Variants in PLCB1 observed in about 807,000 individuals in gnomAD.
The protein encoded by PLCB1 is 1-phosphatidylinositol 4,5-bisphosphate phosphodiesterase beta-1.
Under a neutral mutation model 161.8 loss-of-function variants are expected in PLCB1, and 46 were observed. The ratio of observed to expected loss-of-function variants is 0.28; its 90% confidence interval spans 0.22 to 0.36. The LOEUF (loss-of-function observed/expected upper bound fraction) is 0.36, where lower values mean the gene tolerates loss of function less well. PLCB1 is among the 10% of genes least tolerant of loss of function. PLCB1 has a pLI of 1.00. For synonymous variants in PLCB1, 517 were observed against 503.7 expected (o/e 1.03, Z -0.35); for missense variants, 1,016 against 1,472.5 (o/e 0.69, Z 5.07).
chr20:8,269,385 T>A (rs1272142862), intron 2 of PLCB1, among the ~76,000 whole-genome samples: 1 of 152,162 alleles, frequency 6.6e-6, no homozygotes, highest in Non-Finnish European at 1.5e-5. Context: ...CTCTGTATTC[T>A]CATATGCAAA....
chr20:8,356,101 T>A (rs1986354529), intron 2 of PLCB1, among the ~76,000 whole-genome samples: 1 of 152,208 alleles, frequency 6.6e-6, no homozygotes, highest in Admixed American at 6.5e-5. Context: ...CAACTTTTAG[T>A]TATATATTTT....
chr20:8,420,747 C>T (rs1292603342), intron 3 of PLCB1, among the ~76,000 whole-genome samples: 2 of 152,114 alleles, frequency 1.3e-5, no homozygotes, highest in African/African-American at 2.4e-5. Context: ...AAGCTTCAGC[C>T]CTGCACATCA....
chr20:8,845,404 C>G (rs558025771), intron 31 of PLCB1, among the ~76,000 whole-genome samples: 108 of 152,206 alleles, frequency 7.1e-4, no homozygotes, highest in Non-Finnish European at 1.5e-3. Context: ...TCTGTATTTT[C>G]TTGCCTTAAA....
intron 3 of PLCB1, among the ~76,000 whole-genome samples, chr20:8,462,843 A>C (rs1398420972): frequency 8.1e-6 from 1 of 122,888 alleles, no homozygotes; most frequent in African/African-American, 3.0e-5. Flanking sequence ...TTTCCTGATC[A>C]CCACTCAGGC....
intron 3 of PLCB1, among the ~76,000 whole-genome samples, chr20:8,462,474 T>G (rs763853835): frequency 6.6e-5 from 10 of 152,192 alleles, no homozygotes; most frequent in Non-Finnish European, 1.3e-4. Flanking sequence ...CTTAAAGTAT[T>G]TATAGCTTGT....
chr20:8,488,800 A>C (rs1176653717), intron 3 of PLCB1, among the ~76,000 whole-genome samples: 1 of 152,230 alleles, frequency 6.6e-6, no homozygotes, highest in Non-Finnish European at 1.5e-5. Context: ...TTGTTTTGCT[A>C]TTAAACATAG....
intron 25 of PLCB1, among the ~76,000 whole-genome samples, chr20:8,764,110 T>A (rs969629473): frequency 6.6e-6 from 1 of 152,038 alleles, no homozygotes; most frequent in African/African-American, 2.4e-5. Flanking sequence ...GAGGTTGCAG[T>A]GAGCTGAGAT....
intron 2 of PLCB1, among the ~76,000 whole-genome samples, chr20:8,298,311 G>C (rs113884868): frequency 7.5e-6 from 1 of 133,530 alleles, no homozygotes; most frequent in Non-Finnish European, 1.6e-5. Context: ...AAAAAAAAAA[G>C]ATGCAAGAAC....
chr20:8,809,728 T>C (rs915582989), intron 31 of PLCB1, among the ~76,000 whole-genome samples: 2 of 152,194 alleles, frequency 1.3e-5, no homozygotes, highest in Admixed American at 6.5e-5. Context: ...TGAAATAAAT[T>C]ACCTTCTTTA....
chr20:8,423,582 T>C (rs758100209), intron 3 of PLCB1, among the ~76,000 whole-genome samples: 1 of 152,176 alleles, frequency 6.6e-6, no homozygotes, highest in Non-Finnish European at 1.5e-5. Flanking sequence ...TTGAATAAAA[T>C]TCGTATTTGT....
At chr20:8,499,323 A>C (rs1983306995) in intron 3 of PLCB1, among the ~76,000 whole-genome samples, 1 of 152,256 alleles carries the variant, frequency 6.6e-6, no homozygotes, top group South Asian at 2.1e-4. Flanking sequence ...TCCACGGAAC[A>C]ATGCCTTCTC....
intron 9 of PLCB1, among the ~76,000 whole-genome samples, chr20:8,684,294 T>C (rs1990304867): frequency 6.6e-6 from 1 of 151,820 alleles, no homozygotes; most frequent in South Asian, 2.1e-4. Context: ...TCTCGCTCTG[T>C]CGCCCAGGCT....
chr20:8,585,683 T>A (rs1986968551), intron 3 of PLCB1, among the ~76,000 whole-genome samples: 1 of 152,226 alleles, frequency 6.6e-6, no homozygotes, highest in Admixed American at 6.5e-5. Flanking sequence ...CAAGTTCAGC[T>A]AAGTCCCTCT....
intron 12 of PLCB1, among the ~76,000 whole-genome samples, chr20:8,713,890 G>C (rs1220566544): frequency 1.3e-5 from 2 of 152,080 alleles, no homozygotes; most frequent in Non-Finnish European, 2.9e-5. Context: ...CTGATTTGGG[G>C]ACTTCCTGAC....
intron 2 of PLCB1, among the ~76,000 whole-genome samples, chr20:8,155,320 A>G (rs549006501): frequency 6.6e-6 from 1 of 152,224 alleles, no homozygotes; most frequent in East Asian, 1.9e-4. Flanking sequence ...TGGTTCTACC[A>G]TTCATGCCAT....
chr20:8,380,606 G>A (rs1486653623), intron 3 of PLCB1, among the ~76,000 whole-genome samples: 17 of 151,944 alleles, frequency 1.1e-4, no homozygotes, highest in African/African-American at 2.7e-4. Flanking sequence ...ATTTGTTTGG[G>A]TCTTCTCTTA....
intron 31 of PLCB1, among the ~76,000 whole-genome samples, chr20:8,815,209 G>A (rs1985030083): frequency 6.6e-6 from 1 of 152,096 alleles, no homozygotes; most frequent in African/African-American, 2.4e-5. Context: ...AAAGGGGGAG[G>A]GAGGCATATT....
intron 3 of PLCB1, among the ~76,000 whole-genome samples, chr20:8,424,986 T>A (rs1470943810): frequency 6.6e-6 from 1 of 152,068 alleles, no homozygotes; most frequent in Non-Finnish European, 1.5e-5. Context: ...GCTCACCTCA[T>A]GTAACTGAAG....
At chr20:8,226,716 C>G (rs1245752175) in intron 2 of PLCB1, among the ~76,000 whole-genome samples, 1 of 148,756 alleles carries the variant, frequency 6.7e-6, no homozygotes, top group Non-Finnish European at 1.5e-5. Flanking sequence ...GAGACGAAAT[C>G]TCACTCTGTC....
Sources: gnomAD v4.1 joint callset for allele counts (sites outside exome capture counted in the v4.1 genomes callset) on GRCh38, gnomAD v4.1.1 for gene constraint, MANE v1.5 for transcripts, NCBI Gene and HGNC (gene_info 2026-07-23, HGNC 2026-07-21) for gene names.